The following MTMR3 variants were observed in gnomAD, a reference collection of about 807,000 sequenced individuals.
MTMR3 encodes the protein myotubularin related protein 3.
A neutral mutation model predicts 132.4 loss-of-function variants in MTMR3; 32 were observed. That is an observed-to-expected ratio of 0.24 (90% CI 0.18 to 0.32). The LOEUF (loss-of-function observed/expected upper bound fraction) is 0.32. MTMR3 is among the 10% of genes least tolerant of loss of function. The pLI, the probability that MTMR3 is intolerant of heterozygous loss-of-function variation, is 1.00. For missense variants in MTMR3, 1,216 were observed against 1,489.6 expected, an observed-to-expected ratio of 0.82 and a Z score of 3.02; for synonymous variants, 556 against 550.3, an observed-to-expected ratio of 1.01 and a Z score of -0.14.
In MTMR3 at chr22:29,954,912, A is replaced by G. The variant is rs535370252; in HGVS notation, c.-137-2124A>G. Among the ~76,000 whole-genome samples the G allele has an allele frequency of 1.3e-3, 195 of 152,260 alleles. 1 individual carries two copies. The highest frequency in any genetic ancestry group is 4.6e-3 in the African/African-American group (190 of 41,550). On this transcript the variant is annotated intron_variant, in intron 1 of 19. Coordinates refer to ENST00000401950, the MANE Select transcript of MTMR3 (RefSeq NM_021090.4). ...TTCTTAATGATAATATCCTTTTTCT[A>G]GTTACCATAAGCCTTAAAATTTTTC...
chr22:29,991,566 G>A lies in MTMR3; in HGVS notation c.356G>A (p.Arg119Gln), dbSNP rs749405206. ...EWLKRLNNAI[R>Q]PPAKIEDLFS... is the part of the protein sequence containing the mutation. Reference sequence around the variant, plus strand: ...CTGAAGAGACTGAACAACGCAATCCGACCACCTGCTAAAATAGAAGATCTC... The same window carrying A: ...CTGAAGAGACTGAACAACGCAATCCAACCACCTGCTAAAATAGAAGATCTC... Residue 119 changes from arginine to glutamine, a missense_variant, in exon 7 of 20, where the codon CGA becomes CAA. Arg to Gln is a conservative substitution (Grantham distance 43, BLOSUM62 1). Around this residue, in one of 7 missense-constraint regions of MTMR3, gnomAD observed 129 missense variants for 245.7 expected, o/e 0.53. Coordinates refer to ENST00000401950, the MANE Select transcript of MTMR3 (RefSeq NM_021090.4). 3.7e-6 allele frequency: 6 copies of A among 1,613,966 alleles called. No homozygotes were observed. Among genetic ancestry groups the A allele is most frequent in the African/African-American group, 1.3e-5 (1 of 75,024 alleles).
intron 5 of MTMR3, chr22:29,983,911 A>G (rs2066804796): frequency 6.6e-6 from 1 of 152,160 alleles, no homozygotes; most frequent in Non-Finnish European, 1.5e-5. Flanking sequence ...TGCTGGGATT[A>G]CAGATGTGAG....
chr22:29,982,937 T>TTTTTTTTTTTTGTGTGTG (rs752531735), intron 5 of MTMR3: 1 of 146,280 alleles, frequency 6.8e-6, no homozygotes, highest in African/African-American at 2.6e-5. Flanking sequence ...AAAAGTTTGT[T>TTTTTTTTTTTTGTGTGTG]TGTGTGTGTG....
rs1202972704 is a variant in MTMR3 at position 30,016,573 on chromosome 22, C to T, written c.1549C>T (p.Leu517=). The T allele has an allele frequency of 6.2e-6, 10 of 1,614,128 alleles. No individual in the cohort carries two copies. Among genetic ancestry groups the T allele is most frequent in the Non-Finnish European group, 8.5e-6 (10 of 1,180,028 alleles). The change falls in exon 15 of 20, where the codon CTG becomes TTG. Residue 517 remains leucine, a synonymous_variant. Coordinates refer to ENST00000401950, the MANE Select transcript of MTMR3 (RefSeq NM_021090.4). ...HTYSCLFGTF[L]CNNAKERGEK... ...CTATTCCTGCCTGTTTGGAACATTC[C>T]TGTGCAACAACGCCAAGGAGAGAGG...
At chr22:29,915,605 G>T (rs986490786) in intron 1 of MTMR3, among the ~76,000 whole-genome samples, 3 of 152,042 alleles carry the variant, frequency 2.0e-5, no homozygotes, top group African/African-American at 7.2e-5. Flanking sequence ...TATATTTTAT[G>T]TTTTGTATAT....
rs1283366824 is a variant in MTMR3 at position 30,028,918 on chromosome 22, G to A, written c.*3117G>A. The A allele has an allele frequency of 1.3e-5, 2 of 152,402 alleles. No homozygotes were observed. Among genetic ancestry groups the A allele is most frequent in the African/African-American group, 4.8e-5 (2 of 41,462 alleles). The allele number at this position is 152,402 out of a possible 1,614,324, so 9.4% of individuals were successfully genotyped here. On this transcript the variant is annotated 3_prime_UTR_variant, in exon 20 of 20. Coordinates refer to ENST00000401950, the MANE Select transcript of MTMR3 (RefSeq NM_021090.4). ...ATATGAAGTTGTGAAAACCATGAGT[G>A]TGTGCCATGGCCATCGTGTCTACAC...
At chr22:29,948,371 A>G (rs1271925116) in intron 1 of MTMR3, among the ~76,000 whole-genome samples, 1 of 152,254 alleles carries the variant, frequency 6.6e-6, no homozygotes, top group Non-Finnish European at 1.5e-5. Flanking sequence ...TGGGGAGACA[A>G]TAACATTAAC....
intron 12 of MTMR3, 128 bp from the exon 13 acceptor site, chr22:30,012,240 T>G: frequency 1.1e-6 from 1 of 925,334 alleles, no homozygotes; most frequent in African/African-American, 1.7e-5. Flanking sequence ...ACAGATTTTT[T>G]TGTTTTGGCA....
chr22:29,961,913 C>T (rs1011801478), intron 2 of MTMR3, among the ~76,000 whole-genome samples: 8 of 152,198 alleles, frequency 5.3e-5, no homozygotes, highest in Non-Finnish European at 1.5e-5. Context: ...CAGTTACCTA[C>T]AGTATTCAGT....
At chr22:29,904,823 TG>T in intron 1 of MTMR3, among the ~76,000 whole-genome samples, 1 of 24,076 alleles carries the variant, frequency 4.2e-5, no homozygotes, top group Non-Finnish European at 1.3e-4. Flanking sequence ...GTGTGTGTTG[TG>T]TGTGTGTGTG....
chr22:29,953,949 A>T (rs73398634), intron 1 of MTMR3, among the ~76,000 whole-genome samples: 7,001 of 150,406 alleles, frequency 0.047, 544 homozygotes, highest in African/African-American at 0.16. Context: ...AACTACTCTT[A>T]TTCCTTAAGG....
intron 1 of MTMR3, among the ~76,000 whole-genome samples, chr22:29,939,189 T>C (rs1260912000): frequency 2.0e-5 from 3 of 152,246 alleles, no homozygotes; most frequent in Non-Finnish European, 2.9e-5. Context: ...GATGAAAATA[T>C]GTCCACGCTG....
chr22:29,951,500 A>T (rs189710460), intron 1 of MTMR3, among the ~76,000 whole-genome samples: 2 of 152,214 alleles, frequency 1.3e-5, no homozygotes, highest in African/African-American at 4.8e-5. Context: ...GTATAAAGCA[A>T]TAAGGTGCAT....
intron 1 of MTMR3, among the ~76,000 whole-genome samples, chr22:29,933,003 C>T (rs2145793878): frequency 6.6e-6 from 1 of 152,162 alleles, no homozygotes; most frequent in African/African-American, 2.4e-5. Context: ...GCGTCTTGCT[C>T]TGTTGCTCAG....
At chr22:29,969,131 A>G (rs1352298162) in intron 2 of MTMR3, among the ~76,000 whole-genome samples, 24 of 152,180 alleles carry the variant, frequency 1.6e-4, no homozygotes, top group Admixed American at 1.6e-3. Context: ...CTTTGTTTGG[A>G]TATGTGATAG....
intron 1 of MTMR3, chr22:29,899,447 T>C (rs184274310): frequency 2.0e-5 from 3 of 152,324 alleles, no homozygotes; most frequent in African/African-American, 7.2e-5. Context: ...TTCAACAGTT[T>C]TAATAGTTTT....
intron 12 of MTMR3, chr22:30,011,369 TACTCC>T (rs2067417692): frequency 6.6e-6 from 1 of 152,198 alleles, no homozygotes; most frequent in Admixed American, 6.5e-5. Context: ...TGCTATCTGA[TACTCC>T]GAAAGTGAGA....
At chr22:29,909,388 CTT>C (rs1012249544) in intron 1 of MTMR3, among the ~76,000 whole-genome samples, 9 of 151,984 alleles carry the variant, frequency 5.9e-5, no homozygotes, top group Non-Finnish European at 1.0e-4. Context: ...TGACTTTTCT[CTT>C]GTTTTTGTAT....
chr22:30,022,724 G>T, intron 19 of MTMR3, 27 bp downstream of exon 19: 1 of 1,589,678 alleles, frequency 6.3e-7, no homozygotes, highest in Non-Finnish European at 8.5e-7. Context: ...GTGGTAGGGT[G>T]GGCTGTGTGT....
Sources: gnomAD v4.1 joint callset for allele counts (sites outside exome capture counted in the v4.1 genomes callset) on GRCh38, gnomAD v4.1.1 for gene constraint, gnomAD v4.1.1 regional missense constraint, MANE v1.5 for transcripts, NCBI Gene and HGNC (gene_info 2026-07-23, HGNC 2026-07-21) for gene names.